Variants in PXK observed in about 807,000 individuals in gnomAD.
PXK encodes the protein PX domain-containing protein kinase-like protein.
In PXK, 35 loss-of-function variants were observed where a neutral mutation model predicts 84.7. The ratio of observed to expected loss-of-function variants is 0.41; its 90% CI spans 0.32 to 0.55. PXK has a LOEUF of 0.55. PXK is among the 20% of genes least tolerant of loss of function. The pLI, the probability that PXK is intolerant of heterozygous loss-of-function variation, is 0.21. For synonymous variants in PXK, 253 were observed against 260.8 expected, an observed-to-expected ratio of 0.97 and a Z score of 0.29; for missense variants, 634 against 699.7, an observed-to-expected ratio of 0.91 and a Z score of 1.06.
intron 6 of PXK, 63 bp from the exon 7 acceptor site, chr3:58,391,710 A>C: frequency 7.1e-7 from 1 of 1,408,284 alleles, no homozygotes; most frequent in Non-Finnish European, 1.0e-6. Flanking sequence ...TTAAAGGGAA[A>C]GACAAGGAAT....
chr3:58,337,221 G>A (rs2097638442), intron 1 of PXK, among the ~76,000 whole-genome samples: 1 of 152,118 alleles, frequency 6.6e-6, no homozygotes, highest in Non-Finnish European at 1.5e-5. Context: ...GATAGTTAAG[G>A]CACAATAGAA....
intron 7 of PXK, among the ~76,000 whole-genome samples, chr3:58,394,277 G>C (rs1223857160): frequency 2.0e-5 from 3 of 152,196 alleles, no homozygotes; most frequent in Non-Finnish European, 4.4e-5. Context: ...TCTGGACCCA[G>C]TTTGTTTCAC....
intron 13 of PXK, among the ~76,000 whole-genome samples, chr3:58,406,755 A>G (rs1257504146): frequency 1.3e-5 from 2 of 152,314 alleles, no homozygotes; most frequent in East Asian, 3.9e-4. Flanking sequence ...GCTCCGGGCA[A>G]TCACTATTCT....
At chr3:58,347,331 A>G (rs1304214621) in intron 1 of PXK, among the ~76,000 whole-genome samples, 2 of 152,300 alleles carry the variant, frequency 1.3e-5, no homozygotes, top group East Asian at 1.9e-4. Context: ...TGACAAATAT[A>G]TATATACACA....
chr3:58,423,083 T>G, intron 17 of PXK: 1 of 985,428 alleles, frequency 1.0e-6, no homozygotes, highest in Non-Finnish European at 1.2e-6. Flanking sequence ...CACTTGGTGT[T>G]GCAGTCAAGA....
At chr3:58,403,763 G>C (rs2058970694) in intron 12 of PXK, 99 bp from the exon 13 acceptor site, 1 of 581,558 alleles carries the variant, frequency 1.7e-6, no homozygotes, top group Non-Finnish European at 2.9e-6. Context: ...TGCAGGGAAG[G>C]GAGACCTCAT....
intron 1 of PXK, among the ~76,000 whole-genome samples, chr3:58,355,655 A>T (rs929335085): frequency 6.6e-6 from 1 of 152,206 alleles, no homozygotes; most frequent in African/African-American, 2.4e-5. Context: ...GCAAATGGGG[A>T]TGCTTACTTG....
intron 1 of PXK, among the ~76,000 whole-genome samples, chr3:58,347,700 T>C (rs1410035896): frequency 6.6e-6 from 1 of 152,244 alleles, no homozygotes; most frequent in Non-Finnish European, 1.5e-5. Flanking sequence ...GTAAAGTCTT[T>C]GTGTAGATAT....
rs2058392323 is a variant in PXK at position 58,400,519 on chromosome 3, A to T, written c.1181+1142A>T. Among the ~76,000 whole-genome samples the T allele has an allele frequency of 6.6e-6, 1 of 152,172 alleles. No homozygotes were observed. The highest frequency in any genetic ancestry group is 6.5e-5 in the Admixed American group (1 of 15,276). On this transcript the variant is annotated intron_variant, in intron 12 of 17. Coordinates refer to ENST00000356151, the MANE Select transcript of PXK (RefSeq NM_017771.5). The surrounding 1 kb of genome is among the most constrained non-coding windows in gnomAD (Gnocchi z 4.0). ...GCCAGCTGCTGTCCTAGGCACTGTA[A>T]TGAAAAGAGGAAACCAAGCCCCTGC...
chr3:58,391,327 G>A, intron 6 of PXK, 107 bp downstream of exon 6: 3 of 939,860 alleles, frequency 3.2e-6, no homozygotes, highest in South Asian at 1.6e-5. Context: ...AAGTGATGAT[G>A]TAAAGGCTTC....
At chr3:58,343,036 C>T (rs1473989554) in intron 1 of PXK, among the ~76,000 whole-genome samples, 3 of 152,196 alleles carry the variant, frequency 2.0e-5, no homozygotes, top group African/African-American at 7.2e-5. Flanking sequence ...CATTTCTCCT[C>T]ATTAATTCAG....
intron 1 of PXK, among the ~76,000 whole-genome samples, chr3:58,348,300 A>G (rs1456591970): frequency 6.6e-6 from 1 of 152,150 alleles, no homozygotes; most frequent in African/African-American, 2.4e-5. Flanking sequence ...GACCTGATTG[A>G]TGGCTCCACT....
chr3:58,403,928 G>A lies in PXK; in HGVS notation c.1230+18G>A, dbSNP rs774070437. The A allele has an allele frequency of 6.1e-6, 9 of 1,463,782 alleles. No individual in the cohort carries two copies. The highest frequency in any genetic ancestry group is 2.4e-5 in the East Asian group (1 of 41,778). The allele number at this position is 1,463,782 out of a possible 1,614,324, so 90.7% of individuals were successfully genotyped here. ...AGTTTAAGGTAAAGACAATTATATC[G>A]TTTTTTGGTTTGTGACATAACTAAG... On this transcript the variant is annotated intron_variant, in intron 13 of 17. Transcript: ENST00000356151.
intron 3 of PXK, among the ~76,000 whole-genome samples, chr3:58,374,139 T>C (rs2098416449): frequency 6.6e-6 from 1 of 151,288 alleles, no homozygotes; most frequent in South Asian, 2.1e-4. Flanking sequence ...AAATCCCAAT[T>C]TGGGAATCAT....
chr3:58,419,954 C>A (rs2061566526), intron 17 of PXK, among the ~76,000 whole-genome samples: 1 of 152,344 alleles, frequency 6.6e-6, no homozygotes, highest in South Asian at 2.1e-4. Flanking sequence ...GAGGGGCTCA[C>A]AGGGCCTCAG....
chr3:58,399,228 A>T lies in PXK; in HGVS notation c.1103-71A>T. 1 of 1,393,784 alleles carries T rather than the reference A, an allele frequency of 7.2e-7. No homozygotes were observed. The highest frequency in any genetic ancestry group is 1.0e-6 in the Non-Finnish European group (1 of 982,144). The allele number at this position is 1,393,784 out of a possible 1,614,324, so 86.3% of individuals were successfully genotyped here. On this transcript the variant is annotated intron_variant, in intron 11 of 17. Transcript: ENST00000356151. The surrounding 1 kb of genome is among the most constrained non-coding windows in gnomAD (Gnocchi z 4.3). ...CAGACAGTTATTGCAAAGTGGTGTT[A>T]AACTTTTCATCAGCAAGTGGATTTG... is the stretch of plus-strand genomic sequence containing the variant.
Position 58,412,948 on chromosome 3 carries a change from C to T in PXK, c.1513C>T (p.Pro505Ser), listed in dbSNP as rs746038329. The T allele has an allele frequency of 6.2e-7, 1 of 1,614,154 alleles. No individual in the cohort carries two copies. Among genetic ancestry groups the T allele is most frequent in the Non-Finnish European group, 8.5e-7 (1 of 1,180,010 alleles). Residue 505 changes from proline (P) to serine (S), a missense_variant, in exon 17 of 18, where the codon CCA becomes TCA. By Grantham distance (74) the Pro-to-Ser change is moderately conservative. Transcript: ENST00000356151. This position sits in a 1 kb window ranked among gnomAD's most constrained non-coding sequence, Gnocchi z 6.2. ...SPLTSPSSPT[P>S]PSTSGISALP... is the part of the protein sequence containing the mutation. Reference sequence around the variant, plus strand: ...TCTCACGTCCCCGTCATCGCCAACTCCACCCTCTACATCAGGTTAGTGATG... The same window carrying T: ...TCTCACGTCCCCGTCATCGCCAACTTCACCCTCTACATCAGGTTAGTGATG...
At position 58,412,843 on chromosome 3, in the gene PXK, C is replaced by T; in HGVS notation, c.1466-58C>T. 1 of 1,579,766 alleles carries T rather than the reference C, an allele frequency of 6.3e-7. No individual in the cohort carries two copies. The highest frequency in any genetic ancestry group is 8.7e-7 in the Non-Finnish European group (1 of 1,148,966). On this transcript the variant is annotated intron_variant, in intron 16 of 17. Coordinates refer to ENST00000356151, the MANE Select transcript of PXK (RefSeq NM_017771.5). This position sits in a 1 kb window ranked among gnomAD's most constrained non-coding sequence, Gnocchi z 6.2. Reference sequence around the variant, plus strand: ...AGACAGCAGTGGGTCCCAGCCTGGGCCAAATTCCAAATGTCTTTCGTTGGT... The same window carrying T: ...AGACAGCAGTGGGTCCCAGCCTGGGTCAAATTCCAAATGTCTTTCGTTGGT...
chr3:58,417,988 T>C (rs538249017), intron 17 of PXK, among the ~76,000 whole-genome samples: 2 of 151,926 alleles, frequency 1.3e-5, no homozygotes, highest in South Asian at 4.2e-4. Flanking sequence ...TTGGCTAATT[T>C]TTATATTTTT....
Sources: gnomAD v4.1 joint callset for allele counts (sites outside exome capture counted in the v4.1 genomes callset) on GRCh38, gnomAD v4.1.1 for gene constraint, Gnocchi (gnomAD v3.1) non-coding constraint, MANE v1.5 for transcripts, NCBI Gene and HGNC (gene_info 2026-07-23, HGNC 2026-07-21) for gene names.